Variants in ZBTB7C observed in about 807,000 individuals in gnomAD.
ZBTB7C encodes the protein zinc finger and BTB domain-containing protein 7C.
Under a neutral mutation model 25.7 loss-of-function variants are expected in ZBTB7C, and 8 were observed. The observed-to-expected ratio is 0.31, with a 90% CI of 0.18 to 0.56. The LOEUF (loss-of-function observed/expected upper bound fraction) is 0.56. Among genes scored for constraint, ZBTB7C ranks in the 20% least tolerant of loss-of-function variants. The pLI is 0.91. For missense variants in ZBTB7C, 824 were observed against 855.2 expected (o/e 0.96, Z 0.46); for synonymous variants, 394 against 369.0 (o/e 1.07, Z -0.78).
intron 2 of ZBTB7C, among the ~76,000 whole-genome samples, chr18:48,231,579 C>A (rs1182002970): frequency 6.6e-6 from 1 of 152,196 alleles, no homozygotes; most frequent in East Asian, 1.9e-4. Context: ...AACAGAGCAC[C>A]TTTTTGCCTT....
intron 1 of ZBTB7C, among the ~76,000 whole-genome samples, chr18:48,340,999 G>A (rs901198136): frequency 3.9e-5 from 6 of 152,170 alleles, no homozygotes; most frequent in Non-Finnish European, 8.8e-5. Flanking sequence ...AAAAGAAGGA[G>A]GTGAGTCTGT....
intron 3 of ZBTB7C, among the ~76,000 whole-genome samples, chr18:48,067,998 T>C (rs896218203): frequency 1.3e-4 from 20 of 152,080 alleles, no homozygotes; most frequent in African/African-American, 4.6e-4. Context: ...TGAAACTCTG[T>C]CATCAATCAA....
At chr18:48,124,521 T>TG (rs1177443833) in intron 3 of ZBTB7C, among the ~76,000 whole-genome samples, 1 of 151,844 alleles carries the variant, frequency 6.6e-6, no homozygotes, top group Non-Finnish European at 1.5e-5. Context: ...TGGAAGGGGG[T>TG]GGGGTGAATC....
At chr18:48,138,421 A>G (rs2040239778) in intron 3 of ZBTB7C, among the ~76,000 whole-genome samples, 1 of 152,202 alleles carries the variant, frequency 6.6e-6, no homozygotes, top group South Asian at 2.1e-4. Flanking sequence ...AAGGCAGGAA[A>G]GGTCGGGTCT....
chr18:48,314,177 A>G (rs2045890710), intron 2 of ZBTB7C, among the ~76,000 whole-genome samples: 2 of 152,262 alleles, frequency 1.3e-5, no homozygotes, highest in Non-Finnish European at 2.9e-5. Flanking sequence ...TTAGTGAACA[A>G]AAGTACAGGA....
chr18:48,331,209 G>C (rs892445262), intron 2 of ZBTB7C, among the ~76,000 whole-genome samples: 2 of 152,186 alleles, frequency 1.3e-5, no homozygotes, highest in Non-Finnish European at 2.9e-5. Context: ...GCACCTTGCA[G>C]ACAGAGCCAT....
intron 1 of ZBTB7C, among the ~76,000 whole-genome samples, chr18:48,367,202 T>TATATATATATATATATATATAC (rs1302394192): frequency 1.3e-4 from 8 of 63,400 alleles, no homozygotes; most frequent in African/African-American, 4.3e-4. Context: ...TATATATATA[T>TATATATATATATATATATATAC]ACACACACAC....
intron 1 of ZBTB7C, among the ~76,000 whole-genome samples, chr18:48,375,149 C>T (rs1056911408): frequency 2.4e-4 from 37 of 152,370 alleles, no homozygotes; most frequent in East Asian, 1.5e-3. Flanking sequence ...CTTGTGTGCA[C>T]TCCCCCTACC....
intron 2 of ZBTB7C, among the ~76,000 whole-genome samples, chr18:48,278,297 G>A (rs1194040904): frequency 6.6e-6 from 1 of 152,206 alleles, no homozygotes; most frequent in Non-Finnish European, 1.5e-5. Flanking sequence ...GCCATGTTCA[G>A]AAGGACTGAG....
intron 3 of ZBTB7C, among the ~76,000 whole-genome samples, chr18:48,060,066 T>C (rs956655987): frequency 6.6e-6 from 1 of 152,176 alleles, no homozygotes; most frequent in Non-Finnish European, 1.5e-5. Flanking sequence ...CCATTTTTTT[T>C]CGGCCGGGTG....
At chr18:48,331,769 T>C (rs2046347655) in intron 2 of ZBTB7C, among the ~76,000 whole-genome samples, 1 of 152,206 alleles carries the variant, frequency 6.6e-6, no homozygotes, top group Non-Finnish European at 1.5e-5. Flanking sequence ...ACAAGCTGTA[T>C]ATTATTGGCA....
At chr18:48,153,363 A>G (rs1315804518) in intron 3 of ZBTB7C, among the ~76,000 whole-genome samples, 1 of 152,186 alleles carries the variant, frequency 6.6e-6, no homozygotes, top group Non-Finnish European at 1.5e-5. Flanking sequence ...GCCTGAGGTC[A>G]GCTAATAGAG....
At chr18:48,312,053 C>T (rs929271178) in intron 2 of ZBTB7C, among the ~76,000 whole-genome samples, 5 of 152,230 alleles carry the variant, frequency 3.3e-5, no homozygotes, top group Admixed American at 6.5e-5. Context: ...GGTCTGACCC[C>T]CTTAGAAGGG....
chr18:48,136,997 G>A, intron 3 of ZBTB7C: 1 of 982,976 alleles, frequency 1.0e-6, no homozygotes, highest in Non-Finnish European at 1.2e-6. Context: ...CGAGGCCGCC[G>A]CAGACCCACC....
intron 2 of ZBTB7C, among the ~76,000 whole-genome samples, chr18:48,215,519 A>C (rs1306814016): frequency 1.3e-5 from 2 of 152,230 alleles, no homozygotes. Context: ...CCATTGGTGG[A>C]TTCAAAGATT....
chr18:48,058,189 A>T (rs1196900248), intron 3 of ZBTB7C, among the ~76,000 whole-genome samples: 2 of 152,248 alleles, frequency 1.3e-5, no homozygotes, highest in Non-Finnish European at 2.9e-5. Flanking sequence ...CACATATAGT[A>T]ACTCATTTGT....
chr18:48,232,434 A>C (rs2043280305), intron 2 of ZBTB7C, among the ~76,000 whole-genome samples: 1 of 152,074 alleles, frequency 6.6e-6, no homozygotes. Context: ...CCGAGAAACT[A>C]ACACATCTGC....
intron 2 of ZBTB7C, among the ~76,000 whole-genome samples, chr18:48,211,699 T>C (rs530190987): frequency 6.6e-6 from 1 of 152,194 alleles, no homozygotes; most frequent in East Asian, 1.9e-4. Context: ...CAAATGCTAG[T>C]GAGGATGTGG....
chr18:48,154,158 C>T (rs2040763897), intron 3 of ZBTB7C, among the ~76,000 whole-genome samples: 2 of 152,212 alleles, frequency 1.3e-5, no homozygotes, highest in African/African-American at 2.4e-5. Flanking sequence ...GGCTTGCGAC[C>T]CTGTCACCTG....
Sources: allele counts gnomAD v4.1 joint callset (sites outside exome capture counted in the v4.1 genomes callset), GRCh38; gene constraint gnomAD v4.1.1; transcripts MANE v1.5; gene names NCBI Gene and HGNC (gene_info 2026-07-23, HGNC 2026-07-21).